The following RGS8 variants were observed in gnomAD, a reference collection of about 807,000 sequenced individuals.
The protein encoded by RGS8 is regulator of G protein signaling 8, also known as regulator of G-protein signaling 8.
Under a neutral mutation model 21.7 loss-of-function variants are expected in RGS8, and 8 were observed. The ratio of observed to expected loss-of-function variants is 0.37; its 90% CI spans 0.22 to 0.66. The LOEUF (loss-of-function observed/expected upper bound fraction) is 0.66, where lower values mean the gene tolerates loss of function less well. Among genes scored for constraint, RGS8 ranks in the 30% least tolerant of loss-of-function variants. RGS8 has a pLI of 0.59. For missense variants in RGS8, 157 were observed against 217.9 expected (o/e 0.72, Z 1.76); for synonymous variants, 80 against 83.6 (o/e 0.96, Z 0.24).
At chr1:182,695,337 T>C in the RGS8 span, among the ~76,000 whole-genome samples, 1 of 152,124 alleles carries the variant, frequency 6.6e-6, no homozygotes, top group Non-Finnish European at 1.5e-5. Context: ...ACGTAATAAA[T>C]AGCCACAACT....
At chr1:182,707,516 C>A in the RGS8 span, among the ~76,000 whole-genome samples, 1 of 152,130 alleles carries the variant, frequency 6.6e-6, no homozygotes, top group Non-Finnish European at 1.5e-5. Context: ...CTGCCCCCAC[C>A]TCTACTATCA....
chr1:182,654,661 G>C (rs537583995), intron 5 of RGS8, among the ~76,000 whole-genome samples: 1 of 152,248 alleles, frequency 6.6e-6, no homozygotes, highest in Non-Finnish European at 1.5e-5. Flanking sequence ...AACTCTAAGA[G>C]TGGGAAGGGT....
rs1364977521 is a variant in RGS8, at chr1:182,684,558, C to T, written n.19G>A. 1 of 152,234 alleles carries T rather than the reference C, an allele frequency of 6.6e-6. No homozygotes were observed. Among genetic ancestry groups the T allele is most frequent in the Non-Finnish European group, 1.5e-5 (1 of 68,122 alleles). 9.4% of individuals were successfully genotyped at this position (152,234 alleles called of 1,614,324 possible). A position where few individuals can be genotyped will look rare whatever the true frequency, so the allele number is the denominator to read the frequency against. On this transcript the variant is annotated non_coding_transcript_exon_variant, in exon 1 of 5. Coordinates refer to the RGS8 transcript ENST00000515211. This position sits in a 1 kb window ranked among gnomAD's most constrained non-coding sequence, Gnocchi z 4.2. Reference sequence around the variant, plus strand: ...TGCCGGCTCCGCTCCTCTCCAGGCTCTGCATCTCATGAAAAGGGAAAGAGC... The same window carrying T: ...TGCCGGCTCCGCTCCTCTCCAGGCTTTGCATCTCATGAAAAGGGAAAGAGC...
At chr1:182,670,982 G>A (rs1221490282) in intron 2 of RGS8, among the ~76,000 whole-genome samples, 1 of 152,168 alleles carries the variant, frequency 6.6e-6, no homozygotes, top group African/African-American at 2.4e-5. Context: ...AGGGGAAGGG[G>A]AAACTCATGC....
At chr1:182,751,440 C>T in the RGS8 span, among the ~76,000 whole-genome samples, 1 of 152,124 alleles carries the variant, frequency 6.6e-6, no homozygotes. Context: ...TTTAATAAGA[C>T]AGACACAGTC....
At chr1:182,747,043 CTTTTTTTTTTTTTTTTTTTTT>C in the RGS8 span, among the ~76,000 whole-genome samples, 9 of 21,050 alleles carry the variant, frequency 4.3e-4, no homozygotes, top group South Asian at 2.5e-3. Context: ...CACTGCTGGT[CTTTTTTTTTTTTTTTTTTTTT>C]TTTTTTTTTT....
chr1:182,725,499 A>T, the RGS8 span, among the ~76,000 whole-genome samples: 15 of 152,178 alleles, frequency 9.9e-5, no homozygotes, highest in Non-Finnish European at 2.1e-4. Context: ...ATCCAGCAGG[A>T]TCCTGAGAAA....
the RGS8 span, among the ~76,000 whole-genome samples, chr1:182,691,530 G>T: frequency 7.2e-5 from 10 of 138,290 alleles, no homozygotes; most frequent in Admixed American, 8.0e-4. Flanking sequence ...ACATAAAGAG[G>T]ACTAAAAACA....
At chr1:182,666,493 G>A (rs932422018) in intron 4 of RGS8, among the ~76,000 whole-genome samples, 1 of 152,176 alleles carries the variant, frequency 6.6e-6, no homozygotes, top group Non-Finnish European at 1.5e-5. Context: ...CACCAGCACA[G>A]AAGAGGTGCT....
the RGS8 span, among the ~76,000 whole-genome samples, chr1:182,728,896 A>G: frequency 6.6e-6 from 1 of 152,240 alleles, no homozygotes; most frequent in Non-Finnish European, 1.5e-5. Flanking sequence ...TGCTGGGCTT[A>G]ATACCTAGGT....
chr1:182,729,474 A>G, the RGS8 span, among the ~76,000 whole-genome samples: 3 of 152,248 alleles, frequency 2.0e-5, no homozygotes, highest in Admixed American at 2.0e-4. Flanking sequence ...TTTCTCATTT[A>G]CATTTAGTAA....
chr1:182,676,455 A>C (rs988273894), upstream of RGS8, among the ~76,000 whole-genome samples: 1 of 152,224 alleles, frequency 6.6e-6, no homozygotes, highest in Non-Finnish European at 1.5e-5. Flanking sequence ...CAGTAGAAAC[A>C]TGAATCAACA....
At chr1:182,657,162 T>G (rs1190544238) in intron 5 of RGS8, among the ~76,000 whole-genome samples, 1 of 142,336 alleles carries the variant, frequency 7.0e-6, no homozygotes, top group African/African-American at 2.6e-5. Flanking sequence ...CGTAAAATCC[T>G]AGCCTACTGC....
At chr1:182,742,611 C>T in the RGS8 span, among the ~76,000 whole-genome samples, 190 of 152,350 alleles carry the variant, frequency 1.2e-3, no homozygotes, top group African/African-American at 4.0e-3. Flanking sequence ...TGGTGGCGCG[C>T]GCCTGCAATC....
At chr1:182,709,819 T>A in the RGS8 span, among the ~76,000 whole-genome samples, 1 of 152,218 alleles carries the variant, frequency 6.6e-6, no homozygotes, top group Non-Finnish European at 1.5e-5. Context: ...AGTTTCTTCA[T>A]CTGTAAAATG....
At chr1:182,670,765 C>G (rs1664119540) in intron 2 of RGS8, among the ~76,000 whole-genome samples, 1 of 151,984 alleles carries the variant, frequency 6.6e-6, no homozygotes, top group Non-Finnish European at 1.5e-5. Context: ...TTTGTTAAAA[C>G]TAGAAAAAAA....
chr1:182,751,488 A>C, the RGS8 span, among the ~76,000 whole-genome samples: 2 of 152,120 alleles, frequency 1.3e-5, no homozygotes, highest in African/African-American at 4.8e-5. Flanking sequence ...GATGAAAAAT[A>C]ATTGGGCTCT....
downstream of RGS8, chr1:182,644,056 A>T (rs1452867547): frequency 2.0e-5 from 3 of 152,482 alleles, no homozygotes; most frequent in Non-Finnish European, 4.4e-5. Context: ...ACCCAAGGAC[A>T]TGGGCTTGCG....
At chr1:182,729,929 A>G in the RGS8 span, among the ~76,000 whole-genome samples, 5 of 152,232 alleles carry the variant, frequency 3.3e-5, no homozygotes, top group African/African-American at 1.2e-4. Flanking sequence ...ACTAAAAATA[A>G]CATAGGCCAC....
Sources: allele counts gnomAD v4.1 joint callset (sites outside exome capture counted in the v4.1 genomes callset), GRCh38; gene constraint gnomAD v4.1.1; non-coding constraint Gnocchi (gnomAD v3.1); transcripts MANE v1.5; gene names NCBI Gene and HGNC (gene_info 2026-07-23, HGNC 2026-07-21).